The following CDH5 variants were observed in gnomAD, a reference collection of about 807,000 sequenced individuals.
CDH5 encodes the protein cadherin-5.
A neutral mutation model predicts 62.0 loss-of-function variants in CDH5; 28 were observed. The ratio of observed to expected loss-of-function variants is 0.45; its 90% CI spans 0.33 to 0.62. The LOEUF (loss-of-function observed/expected upper bound fraction) is 0.62, where lower values mean the gene tolerates loss of function less well. Among genes scored for constraint, CDH5 ranks in the 20% least tolerant of loss-of-function variants. The pLI is 0.02. For missense variants in CDH5, 940 were observed against 1,065.1 expected (o/e 0.88, Z 1.63); for synonymous variants, 464 against 445.8 (o/e 1.04, Z -0.52).
chr16:66,378,842 G>A (rs1216054748), intron 1 of CDH5, among the ~76,000 whole-genome samples: 2 of 152,240 alleles, frequency 1.3e-5, no homozygotes, highest in Non-Finnish European at 2.9e-5. Flanking sequence ...GCTGGTGTCA[G>A]CAGACAGTGA....
intron 6 of CDH5, among the ~76,000 whole-genome samples, chr16:66,391,602 G>A (rs577139243): frequency 2.0e-5 from 3 of 152,180 alleles, no homozygotes; most frequent in Admixed American, 6.5e-5. Context: ...GTGAAACCCC[G>A]TCTCTACTAA....
chr16:66,387,228 GC>G, intron 3 of CDH5, 131 bp downstream of exon 3: 1 of 810,104 alleles, frequency 1.2e-6, no homozygotes, highest in South Asian at 1.8e-5. Context: ...TGCCTGTGTT[GC>G]CACTTTACAT....
At chr16:66,393,015 T>C (rs1424468844) in intron 7 of CDH5, 1 of 152,408 alleles carries the variant, frequency 6.6e-6, no homozygotes, top group East Asian at 1.9e-4. Context: ...ATATTTGCTC[T>C]TCTATCTTAA....
chr16:66,382,149 G>A (rs558619911), intron 2 of CDH5, among the ~76,000 whole-genome samples: 178 of 152,316 alleles, frequency 1.2e-3, no homozygotes, highest in Non-Finnish European at 2.2e-3. Context: ...CAGGGTTCAG[G>A]GTTTAGGGCA....
chr16:66,383,658 C>A (rs983413247), intron 2 of CDH5, among the ~76,000 whole-genome samples: 1 of 152,100 alleles, frequency 6.6e-6, no homozygotes, highest in Non-Finnish European at 1.5e-5. Flanking sequence ...CCACTGTCCT[C>A]GCAGGTCACA....
intron 2 of CDH5, among the ~76,000 whole-genome samples, chr16:66,380,536 G>A (rs536370136): frequency 5.7e-4 from 86 of 151,970 alleles, no homozygotes; most frequent in Non-Finnish European, 1.0e-3. Flanking sequence ...GGCAGTGATG[G>A]TGGTGATCAT....
intron 7 of CDH5, among the ~76,000 whole-genome samples, chr16:66,393,650 G>A (rs1446758397): frequency 6.6e-6 from 1 of 151,952 alleles, no homozygotes; most frequent in Non-Finnish European, 1.5e-5. Flanking sequence ...GATTCGGTGG[G>A]GACACAGATC....
chr16:66,395,018 CTTTTTTTTTTTTTTTTTTTTTTTTT>C (rs1174519256), intron 7 of CDH5, among the ~76,000 whole-genome samples: 10 of 13,772 alleles, frequency 7.3e-4, no homozygotes, highest in Non-Finnish European at 9.2e-4. Flanking sequence ...CCAGGCTAAT[CTTTTTTTTTTTTTTTTTTTTTTTTT>C]TTTTTTTTTT....
At chr16:66,373,887 T>A (rs1050899647) in intron 1 of CDH5, among the ~76,000 whole-genome samples, 1 of 152,136 alleles carries the variant, frequency 6.6e-6, no homozygotes, top group African/African-American at 2.4e-5. Context: ...AAGTCTTACA[T>A]CCTGGGGATA....
chr16:66,401,242 G>A (rs1235079795), intron 11 of CDH5, among the ~76,000 whole-genome samples: 1 of 152,148 alleles, frequency 6.6e-6, no homozygotes, highest in Non-Finnish European at 1.5e-5. Flanking sequence ...AGGAGGGGGT[G>A]GGACTCAGGA....
intron 7 of CDH5, among the ~76,000 whole-genome samples, chr16:66,394,559 T>G (rs1961141138): frequency 1.2e-5 from 1 of 85,242 alleles, no homozygotes; most frequent in Non-Finnish European, 2.6e-5. Flanking sequence ...AGTCTATGTT[T>G]CTTTATTTTT....
intron 6 of CDH5, among the ~76,000 whole-genome samples, chr16:66,391,634 G>A (rs559881603): frequency 9.9e-5 from 15 of 152,228 alleles, no homozygotes; most frequent in African/African-American, 3.1e-4. Flanking sequence ...TTAGCTGGGC[G>A]TGGTGGCAGG....
intron 7 of CDH5, 173 bp downstream of exon 7, chr16:66,392,556 T>C (rs770482533): frequency 2.3e-5 from 19 of 822,054 alleles, no homozygotes; most frequent in Non-Finnish European, 3.4e-5. Flanking sequence ...CAGCCTGGCA[T>C]CTTGACCTGC....
intron 1 of CDH5, chr16:66,377,121 CAG>C (rs1180659041): frequency 1.3e-5 from 2 of 152,232 alleles, no homozygotes; most frequent in Non-Finnish European, 2.9e-5. Flanking sequence ...AAATGAGCCA[CAG>C]GGTCTGGGTC....
chr16:66,368,950 G>C (rs1960636196), intron 1 of CDH5, among the ~76,000 whole-genome samples: 1 of 152,212 alleles, frequency 6.6e-6, no homozygotes, highest in Non-Finnish European at 1.5e-5. Context: ...TAAAAAGTCT[G>C]TCCTGATCCA....
In CDH5 at chr16:66,392,199, G is replaced by A. The variant is rs745354152; in HGVS notation, c.1033G>A (p.Asp345Asn). The change falls in exon 7 of 12, where the codon GAC (aspartate) becomes AAC (asparagine). Residue 345 changes from aspartate to asparagine, a missense_variant. Coordinates refer to ENST00000341529, the MANE Select transcript of CDH5 (RefSeq NM_001795.5). ...FIVEATDPTI[D>N]LRYMSPPAGN... is the part of the protein sequence containing the mutation. ...CGTCGAGGCCACAGACCCCACCATCGACCTCCGATACATGAGCCCTCCCGC... is the reference window on the plus strand; with the variant it reads ...CGTCGAGGCCACAGACCCCACCATCAACCTCCGATACATGAGCCCTCCCGC... 1.1e-5 allele frequency: 17 copies of A among 1,613,936 alleles called. No homozygotes were observed. Among genetic ancestry groups the A allele is most frequent in the Middle Eastern group, 1.6e-4 (1 of 6,062 alleles).
At chr16:66,379,623 T>C in intron 2 of CDH5, 76 bp downstream of exon 2, 1 of 1,304,010 alleles carries the variant, frequency 7.7e-7, no homozygotes, top group East Asian at 2.3e-5. Context: ...GTGATGGCGA[T>C]GGTGGCAAAG....
At chr16:66,380,912 G>T (rs1269422415) in intron 2 of CDH5, among the ~76,000 whole-genome samples, 2 of 151,970 alleles carry the variant, frequency 1.3e-5, no homozygotes, top group East Asian at 3.9e-4. Context: ...TGGAGGTGGT[G>T]GTGAACTCTA....
chr16:66,381,743 C>T (rs1202083995), intron 2 of CDH5, among the ~76,000 whole-genome samples: 1 of 152,154 alleles, frequency 6.6e-6, no homozygotes, highest in Non-Finnish European at 1.5e-5. Flanking sequence ...CCCCTGCGGG[C>T]CCAATCCAGC....
Sources: allele counts gnomAD v4.1 joint callset (sites outside exome capture counted in the v4.1 genomes callset), GRCh38; gene constraint gnomAD v4.1.1; transcripts MANE v1.5; gene names NCBI Gene and HGNC (gene_info 2026-07-23, HGNC 2026-07-21).